Variants in AGAP1 observed in about 807,000 individuals in gnomAD.
The protein encoded by AGAP1 is arf-GAP with GTPase, ANK repeat and PH domain-containing protein 1.
Under a neutral mutation model 105.3 loss-of-function variants are expected in AGAP1, and 29 were observed. The observed-to-expected ratio is 0.28, with a 90% confidence interval of 0.21 to 0.38. The LOEUF (loss-of-function observed/expected upper bound fraction) is 0.38. AGAP1 is among the 10% of genes least tolerant of loss of function. The probability of loss-of-function intolerance (pLI) is 1.00; values close to 1 mark genes in which losing one functional copy is unlikely to be tolerated. For synonymous variants in AGAP1, 509 were observed against 485.9 expected (o/e 1.05, Z -0.63); for missense variants, 998 against 1,165.1 (o/e 0.86, Z 2.09).
chr2:235,794,085 G>A (rs1394910486), intron 6 of AGAP1, among the ~76,000 whole-genome samples: 3 of 152,106 alleles, frequency 2.0e-5, no homozygotes, highest in Non-Finnish European at 4.4e-5. Flanking sequence ...CCAGGCACCT[G>A]CCTGCTCTGC....
chr2:235,776,272 A>G (rs547639713), intron 6 of AGAP1, among the ~76,000 whole-genome samples: 5 of 152,156 alleles, frequency 3.3e-5, no homozygotes, highest in African/African-American at 1.2e-4. Context: ...GGTGGTCAGG[A>G]CTGGTGTTGC....
intron 15 of AGAP1, among the ~76,000 whole-genome samples, chr2:236,043,168 C>T (rs970656980): frequency 6.6e-6 from 1 of 152,218 alleles, no homozygotes; most frequent in Non-Finnish European, 1.5e-5. Context: ...AGTGCCCACA[C>T]TGATGATGAA....
intron 1 of AGAP1, among the ~76,000 whole-genome samples, chr2:235,607,705 C>T (rs577185436): frequency 1.3e-5 from 2 of 152,166 alleles, no homozygotes; most frequent in African/African-American, 2.4e-5. Flanking sequence ...ACTTTAAGTG[C>T]GGGCTTGGGT....
Position 235,788,504 on chromosome 2 carries a change from G to A in AGAP1, c.674-9255G>A, listed in dbSNP as rs1033512451. Among the ~76,000 whole-genome samples, 6 of 151,632 alleles carry A rather than the reference G, an allele frequency of 4.0e-5. No homozygotes were observed. Among genetic ancestry groups the A allele is most frequent in the Admixed American group, 1.3e-4 (2 of 15,228 alleles). On this transcript the variant is annotated intron_variant, in intron 6 of 17. Transcript: ENST00000304032. The surrounding 1 kb of genome is among the most constrained non-coding windows in gnomAD (Gnocchi z 6.0). ...GGTGGGGAGAGGAGTGGGAGGGTAGGTGAGGCGGGGTGAGGAGAGGATTGG... is the reference window on the plus strand; with the variant it reads ...GGTGGGGAGAGGAGTGGGAGGGTAGATGAGGCGGGGTGAGGAGAGGATTGG...
rs937054441 is a variant in AGAP1, at chr2:236,101,970, C to A, written c.2115-18222C>A. On this transcript the variant is annotated intron_variant, in intron 16 of 17. Transcript: ENST00000304032. The surrounding 1 kb of genome is among the most constrained non-coding windows in gnomAD (Gnocchi z 4.9). ...CTCACACACAGTTTCCAAATGAAGT[C>A]ACAAACTTCCCTTATAAAACTTCCT... is the stretch of plus-strand genomic sequence containing the variant. 3.9e-5 allele frequency among the ~76,000 whole-genome samples: 6 copies of A among 152,196 alleles called. No homozygotes were observed. Among genetic ancestry groups the A allele is most frequent in the Admixed American group, 1.3e-4 (2 of 15,284 alleles).
intron 10 of AGAP1, among the ~76,000 whole-genome samples, chr2:235,885,089 T>C (rs2050208405): frequency 1.3e-5 from 2 of 152,218 alleles, no homozygotes; most frequent in South Asian, 4.1e-4. Context: ...AAATAGCATA[T>C]TGAAGAAAAT....
chr2:235,841,183 G>A (rs1452738286), intron 9 of AGAP1, among the ~76,000 whole-genome samples: 1 of 152,072 alleles, frequency 6.6e-6, no homozygotes, highest in Non-Finnish European at 1.5e-5. Flanking sequence ...GCCTAGGAGA[G>A]GCCCAACTGT....
chr2:236,039,223 T>A (rs927975461), intron 14 of AGAP1, among the ~76,000 whole-genome samples: 1 of 152,042 alleles, frequency 6.6e-6, no homozygotes, highest in Admixed American at 6.6e-5. Context: ...GGTGGGAGGA[T>A]CACTTGAGGC....
rs1172737406 is a variant in AGAP1 at position 235,572,976 on chromosome 2, T to TTTCTTCTTCTTCTTC, written c.163+78199_163+78213dup. Among the ~76,000 whole-genome samples the TTTCTTCTTCTTCTTC allele has an allele frequency of 2.2e-4, 23 of 104,068 alleles. 2 individuals are homozygous for TTTCTTCTTCTTCTTC. The highest frequency in any genetic ancestry group is 3.8e-4 in the Admixed American group (4 of 10,658). 68.3% of individuals were successfully genotyped at this position (104,068 alleles called of 152,430 possible). On this transcript the variant is annotated intron_variant, in intron 1 of 17. Transcript: ENST00000304032. ...CAGACTCCCCGATTGCTCCATCTTT[T>TTTCTTCTTCTTCTTC]TTCTTCTTCTTCTTCTTCTTCTTCT...
At chr2:235,856,793 T>A (rs1430840089) in intron 9 of AGAP1, among the ~76,000 whole-genome samples, 6 of 152,220 alleles carry the variant, frequency 3.9e-5, no homozygotes, top group Non-Finnish European at 7.3e-5. Context: ...GTCATGAAAT[T>A]TCAAAACTTC....
At position 235,642,935 on chromosome 2, in the gene AGAP1, G is replaced by A. The variant is rs749282129; in HGVS notation, c.164-66244G>A. Among the ~76,000 whole-genome samples the A allele has an allele frequency of 6.6e-5, 10 of 152,200 alleles. No homozygotes were observed. Among genetic ancestry groups the A allele is most frequent in the Admixed American group, 1.3e-4 (2 of 15,284 alleles). ...TAATGTGCTGCCATGACAAGGCACG[G>A]TGGTGGTGGGGACCTGGCAAGGTAC... On this transcript the variant is annotated intron_variant, in intron 1 of 17. Transcript: ENST00000304032. This position sits in a 1 kb window ranked among gnomAD's most constrained non-coding sequence, Gnocchi z 4.1.
At chr2:235,812,546 C>G (rs555288615) in intron 9 of AGAP1, among the ~76,000 whole-genome samples, 1 of 152,244 alleles carries the variant, frequency 6.6e-6, no homozygotes, top group Non-Finnish European at 1.5e-5. Context: ...AGCCTAATGA[C>G]GCCAGCGTTA....
At chr2:235,762,877 A>AGC (rs1954569202) in intron 6 of AGAP1, among the ~76,000 whole-genome samples, 3 of 152,166 alleles carry the variant, frequency 2.0e-5, no homozygotes, top group Admixed American at 2.0e-4. Flanking sequence ...CATCTCAAAA[A>AGC]AACAGGAAAG....
At position 235,635,167 on chromosome 2, in the gene AGAP1, C is replaced by T. The variant is rs916344613; in HGVS notation, c.164-74012C>T. ...AAGAGCAGCTGGACTTAGAGACAGG[C>T]GTCCTGAGTGTTGATGCCAGCCTTA... On this transcript the variant is annotated intron_variant, in intron 1 of 17. Coordinates refer to ENST00000304032, the MANE Select transcript of AGAP1 (RefSeq NM_001037131.3). The surrounding 1 kb of genome is among the most constrained non-coding windows in gnomAD (Gnocchi z 5.3). Among the ~76,000 whole-genome samples, 1 of 152,162 alleles carries T rather than the reference C, an allele frequency of 6.6e-6. No homozygotes were observed. The highest frequency in any genetic ancestry group is 1.5e-5 in the Non-Finnish European group (1 of 68,040).
chr2:235,695,893 C>T (rs999938770), intron 1 of AGAP1, among the ~76,000 whole-genome samples: 23 of 152,140 alleles, frequency 1.5e-4, no homozygotes, highest in Non-Finnish European at 3.4e-4. Flanking sequence ...TAACCAACCC[C>T]TCTGTGATGT....
intron 12 of AGAP1, among the ~76,000 whole-genome samples, chr2:235,955,989 A>G (rs2053931791): frequency 6.6e-6 from 1 of 152,234 alleles, no homozygotes; most frequent in Non-Finnish European, 1.5e-5. Context: ...CTAAGTTTCT[A>G]AAGATGAGAA....
chr2:235,524,764 A>G (rs371906726), intron 1 of AGAP1, among the ~76,000 whole-genome samples: 1 of 152,072 alleles, frequency 6.6e-6, no homozygotes, highest in African/African-American at 2.4e-5. Flanking sequence ...CTTTTAGGGA[A>G]CTCATTGGCT....
At chr2:235,762,985 A>G (rs1322115816) in intron 6 of AGAP1, among the ~76,000 whole-genome samples, 2 of 152,100 alleles carry the variant, frequency 1.3e-5, no homozygotes. Context: ...ATATGGAAAT[A>G]AAAACCACTG....
rs1224463131 is a variant in AGAP1 at position 235,951,792 on chromosome 2, C to G, written c.1484-16670C>G. On this transcript the variant is annotated intron_variant, in intron 12 of 17. Coordinates refer to ENST00000304032, the MANE Select transcript of AGAP1 (RefSeq NM_001037131.3). The surrounding 1 kb of genome is among the most constrained non-coding windows in gnomAD (Gnocchi z 4.2). The stretch of plus-strand genomic sequence containing the variant: ...AGTTACACCACACCAGTCTCCCAGT[C>G]CCATCACACACAGGCAGTTTTTACA... Among the ~76,000 whole-genome samples the G allele has an allele frequency of 6.6e-6, 1 of 152,050 alleles. No homozygotes were observed. Among genetic ancestry groups the G allele is most frequent in the African/African-American group, 2.4e-5 (1 of 41,388 alleles).
Sources: gnomAD v4.1 joint callset for allele counts (sites outside exome capture counted in the v4.1 genomes callset) on GRCh38, gnomAD v4.1.1 for gene constraint, Gnocchi (gnomAD v3.1) non-coding constraint, MANE v1.5 for transcripts, NCBI Gene and HGNC (gene_info 2026-07-23, HGNC 2026-07-21) for gene names.